Variants in GRID2 observed in about 807,000 individuals in gnomAD.
The protein encoded by GRID2 is glutamate receptor ionotropic, delta-2.
In GRID2, 33 loss-of-function variants were observed where a neutral mutation model predicts 114.8. The observed-to-expected ratio is 0.29, with a 90% CI of 0.22 to 0.38. GRID2 has a LOEUF of 0.38. GRID2 is among the 10% of genes least tolerant of loss of function. The probability of loss-of-function intolerance (pLI) is 1.00; values close to 1 mark genes in which losing one functional copy is unlikely to be tolerated. For missense variants in GRID2, 1,184 were observed against 1,257.7 expected (o/e 0.94, Z 0.89); for synonymous variants, 505 against 449.9 (o/e 1.12, Z -1.55).
At chr4:93,316,651 G>T (rs930213926) in intron 8 of GRID2, among the ~76,000 whole-genome samples, 2 of 152,020 alleles carry the variant, frequency 1.3e-5, no homozygotes, top group Non-Finnish European at 2.9e-5. Flanking sequence ...ACAAATACAC[G>T]GCTTTTTTCT....
intron 2 of GRID2, among the ~76,000 whole-genome samples, chr4:93,021,393 G>A (rs1723268939): frequency 6.7e-6 from 1 of 149,810 alleles, no homozygotes; most frequent in South Asian, 2.1e-4. Flanking sequence ...TATTATAAAT[G>A]TTAATAGAGT....
At chr4:92,660,497 T>A (rs1732464001) in intron 2 of GRID2, among the ~76,000 whole-genome samples, 1 of 151,262 alleles carries the variant, frequency 6.6e-6, no homozygotes, top group African/African-American at 2.4e-5. Context: ...AGCTTTTCCA[T>A]GTTTCCTTAG....
At chr4:92,793,553 A>T (rs188397899) in intron 2 of GRID2, among the ~76,000 whole-genome samples, 282 of 141,994 alleles carry the variant, frequency 2.0e-3, no homozygotes, top group African/African-American at 7.2e-3. Context: ...AATAAAAATT[A>T]AAAAAAAAAA....
chr4:93,634,949 T>G (rs200554930), intron 14 of GRID2, among the ~76,000 whole-genome samples: 1 of 28,492 alleles, frequency 3.5e-5, no homozygotes, highest in South Asian at 1.3e-3. Flanking sequence ...ACTTCTCCTT[T>G]TCTTGGTCAT....
At chr4:93,469,842 GC>G (rs1724635192) in intron 11 of GRID2, among the ~76,000 whole-genome samples, 1 of 152,080 alleles carries the variant, frequency 6.6e-6, no homozygotes, top group Non-Finnish European at 1.5e-5. Context: ...AGGAAATAGT[GC>G]AACCGGTCCC....
At chr4:92,838,097 C>A (rs1192427077) in intron 2 of GRID2, among the ~76,000 whole-genome samples, 4 of 152,152 alleles carry the variant, frequency 2.6e-5, no homozygotes. Context: ...TTCAGAAAGC[C>A]ATGGTGTTTT....
intron 4 of GRID2, among the ~76,000 whole-genome samples, chr4:93,145,618 C>G (rs1275637302): frequency 6.8e-6 from 1 of 147,958 alleles, no homozygotes; most frequent in African/African-American, 2.5e-5. Context: ...GACACCCCAC[C>G]CAGCTAGTTT....
At chr4:92,380,992 A>G (rs978425659) in intron 1 of GRID2, among the ~76,000 whole-genome samples, 10 of 152,028 alleles carry the variant, frequency 6.6e-5, no homozygotes, top group African/African-American at 2.2e-4. Context: ...TTTTTAAGCA[A>G]AAAGCCCCTT....
intron 8 of GRID2, among the ~76,000 whole-genome samples, chr4:93,266,800 C>T (rs762955488): frequency 2.0e-5 from 3 of 152,090 alleles, no homozygotes; most frequent in East Asian, 1.9e-4. Context: ...CCCAGAAGTA[C>T]GTGTAGTGTT....
chr4:92,906,624 A>T (rs1747977941), intron 2 of GRID2, among the ~76,000 whole-genome samples: 2 of 151,806 alleles, frequency 1.3e-5, no homozygotes, highest in African/African-American at 4.8e-5. Context: ...TCATTTATTT[A>T]TTTATTTTTT....
intron 1 of GRID2, among the ~76,000 whole-genome samples, chr4:93,788,452 T>A (rs1236327095): frequency 1.3e-5 from 2 of 152,186 alleles, no homozygotes; most frequent in African/African-American, 4.8e-5. Context: ...ATATCTTAAT[T>A]AGCTTAATCT....
At chr4:93,321,881 CGTT>C (rs1156333757) in intron 8 of GRID2, among the ~76,000 whole-genome samples, 5 of 151,480 alleles carry the variant, frequency 3.3e-5, no homozygotes, top group Non-Finnish European at 7.4e-5. Flanking sequence ...CCAATTAAAG[CGTT>C]GTTACTTATA....
At chr4:92,773,896 A>T (rs948556026) in intron 2 of GRID2, among the ~76,000 whole-genome samples, 1 of 152,164 alleles carries the variant, frequency 6.6e-6, no homozygotes. Flanking sequence ...TTGTACAAGC[A>T]TGCATTAAAA....
intron 1 of GRID2, among the ~76,000 whole-genome samples, chr4:92,465,090 T>C (rs937970446): frequency 6.6e-6 from 1 of 152,116 alleles, no homozygotes; most frequent in Middle Eastern, 3.2e-3. Context: ...GCTTCCTGTA[T>C]AGCCTGTGGA....
chr4:92,728,260 A>T (rs893674085), intron 2 of GRID2, among the ~76,000 whole-genome samples: 2 of 152,070 alleles, frequency 1.3e-5, no homozygotes, highest in Non-Finnish European at 2.9e-5. Context: ...GTAACAAATT[A>T]CCCCAAATGT....
intron 2 of GRID2, among the ~76,000 whole-genome samples, chr4:92,743,088 A>G (rs982933709): frequency 6.6e-6 from 1 of 152,132 alleles, no homozygotes; most frequent in Non-Finnish European, 1.5e-5. Context: ...ACCAGCTTGG[A>G]CAACATGGTG....
In GRID2 at chr4:92,478,129, A is replaced by G. The variant is rs114663523; in HGVS notation, c.89-112002A>G. Among the ~76,000 whole-genome samples the G allele has an allele frequency of 6.0e-3, 906 of 152,038 alleles. 8 individuals carry two copies. Among genetic ancestry groups the G allele is most frequent in the African/African-American group, 0.02 (847 of 41,510 alleles). On this transcript the variant is annotated intron_variant, in intron 1 of 15. Transcript: ENST00000282020. The stretch of plus-strand genomic sequence containing the variant: ...TATTTTCTATATTACTGCAATTACC[A>G]TATCTTTGATTTTCTTTACCACCAA...
At chr4:92,399,049 C>G (rs1436693955) in intron 1 of GRID2, among the ~76,000 whole-genome samples, 1 of 151,952 alleles carries the variant, frequency 6.6e-6, no homozygotes, top group Non-Finnish European at 1.5e-5. Flanking sequence ...AGTTAGAGAC[C>G]AAATTACTCA....
At chr4:93,561,570 G>C (rs1227415445) in intron 13 of GRID2, among the ~76,000 whole-genome samples, 1 of 151,976 alleles carries the variant, frequency 6.6e-6, no homozygotes, top group East Asian at 1.9e-4. Flanking sequence ...TTCATGTTAG[G>C]GTTCACTCTT....
Sources: gnomAD v4.1 joint callset for allele counts (sites outside exome capture counted in the v4.1 genomes callset) on GRCh38, gnomAD v4.1.1 for gene constraint, MANE v1.5 for transcripts, NCBI Gene and HGNC (gene_info 2026-07-23, HGNC 2026-07-21) for gene names.